Variants in FGF14 observed in about 807,000 individuals in gnomAD.
FGF14 encodes the protein fibroblast growth factor 14.
A neutral mutation model predicts 25.5 loss-of-function variants in FGF14; 5 were observed. The ratio of observed to expected loss-of-function variants is 0.20; its 90% CI spans 0.10 to 0.41. The LOEUF (loss-of-function observed/expected upper bound fraction) is 0.41, where lower values mean the gene tolerates loss of function less well. Ranked by LOEUF, FGF14 falls within the 10% of genes least tolerant of loss-of-function variation. The pLI is 1.00. For missense variants in FGF14, 222 were observed against 320.1 expected, an observed-to-expected ratio of 0.69 and a Z score of 2.34; for synonymous variants, 138 against 118.3, an observed-to-expected ratio of 1.17 and a Z score of -1.08.
rs2047384706 is a variant in FGF14 at position 102,157,196 on chromosome 13, C to A, written c.208+244275G>T. Among the ~76,000 whole-genome samples the A allele has an allele frequency of 2.0e-5, 3 of 152,286 alleles. No individual in the cohort carries two copies. In the South Asian group the frequency reaches 6.2e-4, roughly 32 times the overall value. ...TGGAACCAAAAAAGAGCCCACATTT[C>A]CAAGTCAATCCTAAGCCAAAAGAAC... On this transcript the variant is annotated intron_variant, in intron 1 of 4. Transcript: ENST00000376131.
intron 1 of FGF14, among the ~76,000 whole-genome samples, chr13:102,161,643 G>GAAGAAGAAGAAGA (rs2047726719): frequency 7.9e-5 from 1 of 12,642 alleles, no homozygotes; most frequent in Non-Finnish European, 1.6e-4. Flanking sequence ...AGAAGAAGAA[G>GAAGAAGAAGAAGA]AAGAAGAAGA....
At chr13:101,936,749 CA>C (rs1273317107) in intron 1 of FGF14, among the ~76,000 whole-genome samples, 1 of 152,112 alleles carries the variant, frequency 6.6e-6, no homozygotes, top group African/African-American at 2.4e-5. Flanking sequence ...ATACTGAGCC[CA>C]TGGCGTATAT....
At chr13:101,805,363 G>T (rs1376836896) in intron 3 of FGF14, among the ~76,000 whole-genome samples, 1 of 152,090 alleles carries the variant, frequency 6.6e-6, no homozygotes, top group Non-Finnish European at 1.5e-5. Context: ...ATGGTGGTTT[G>T]TATTTTTAAA....
intron 1 of FGF14, among the ~76,000 whole-genome samples, chr13:102,015,536 T>C (rs1183009904): frequency 1.3e-5 from 2 of 152,166 alleles, no homozygotes; most frequent in Non-Finnish European, 2.9e-5. Context: ...GTAAATTCTT[T>C]TCAAGAAAAT....
At chr13:101,760,588 C>T (rs1181044641) in intron 3 of FGF14, among the ~76,000 whole-genome samples, 1 of 152,200 alleles carries the variant, frequency 6.6e-6, no homozygotes, top group Non-Finnish European at 1.5e-5. Flanking sequence ...ATCCCTTAAA[C>T]TGCTTTTGGC....
At chr13:102,042,856 G>A (rs1307805009) in intron 1 of FGF14, among the ~76,000 whole-genome samples, 1 of 152,190 alleles carries the variant, frequency 6.6e-6, no homozygotes, top group Non-Finnish European at 1.5e-5. Context: ...GATAGTTGGG[G>A]CTGCACAATT....
In FGF14 at chr13:102,061,766, C is replaced by T. The variant is rs1345049393; in HGVS notation, c.209-186470G>A. On this transcript the variant is annotated intron_variant, in intron 1 of 4. Transcript: ENST00000376131. ...ACTGTCGAGTTCTGCCTGCCTCTCT[C>T]TTGAAACATTTGTTCTTGGAACCAA... Among the ~76,000 whole-genome samples the T allele has an allele frequency of 2.0e-5, 3 of 152,290 alleles. No homozygotes were observed. The South Asian group carries it at 6.2e-4, about 32-fold the overall frequency.
intron 1 of FGF14, among the ~76,000 whole-genome samples, chr13:101,913,634 CT>C (rs1321439644): frequency 6.6e-6 from 1 of 152,042 alleles, no homozygotes; most frequent in South Asian, 2.1e-4. Context: ...TTCTATGCCT[CT>C]TTTTTTTCTC....
intron 1 of FGF14, among the ~76,000 whole-genome samples, chr13:102,092,507 C>A (rs1434423467): frequency 6.6e-6 from 1 of 152,158 alleles, no homozygotes; most frequent in Non-Finnish European, 1.5e-5. Flanking sequence ...GTCTTCCACA[C>A]TGAAAGGGCA....
At chr13:101,946,363 C>CAAAAAAA (rs59866034) in intron 1 of FGF14, among the ~76,000 whole-genome samples, 2 of 91,946 alleles carry the variant, frequency 2.2e-5, no homozygotes, top group Admixed American at 1.2e-4. Context: ...GCTTCTCCAT[C>CAAAAAAA]AAAAAAAAAA....
intron 1 of FGF14, among the ~76,000 whole-genome samples, chr13:102,204,575 C>G (rs966851933): frequency 1.2e-4 from 18 of 152,040 alleles, no homozygotes; most frequent in Admixed American, 9.8e-4. Context: ...GAGACAGAGT[C>G]TTCCTCTGTC....
At position 101,717,430 on chromosome 13, in the gene FGF14, G is replaced by T. The variant is rs1490848873; in HGVS notation, c.*5401C>A. ...TATAAGTAGTCAATAAATAATGTAG[G>T]TTATATTCTTTCCTCTTCACTACCT... On this transcript the variant is annotated 3_prime_UTR_variant, in exon 5 of 5. Coordinates refer to ENST00000376143, the MANE Select transcript of FGF14 (RefSeq NM_004115.4). 6.6e-6 allele frequency: 1 copy of T among 152,012 alleles called. No individual in the cohort carries two copies. Among genetic ancestry groups the T allele is most frequent in the Non-Finnish European group, 1.5e-5 (1 of 68,012 alleles). The allele number at this position is 152,012 out of a possible 1,614,324, so 9.4% of individuals were successfully genotyped here.
At chr13:102,355,608 G>T (rs1375477614) in intron 1 of FGF14, among the ~76,000 whole-genome samples, 3 of 150,130 alleles carry the variant, frequency 2.0e-5, no homozygotes, top group Non-Finnish European at 4.4e-5. Context: ...AACACAATCT[G>T]CCCTTCCCAT....
intron 1 of FGF14, among the ~76,000 whole-genome samples, chr13:102,272,578 A>G (rs983071048): frequency 6.6e-6 from 1 of 152,170 alleles, no homozygotes; most frequent in Non-Finnish European, 1.5e-5. Flanking sequence ...TACGGCACAC[A>G]AGGTCCTGTC....
At chr13:101,953,405 A>C (rs918444588) in intron 1 of FGF14, among the ~76,000 whole-genome samples, 1 of 151,960 alleles carries the variant, frequency 6.6e-6, no homozygotes, top group Admixed American at 6.6e-5. Flanking sequence ...CTGCTAGGAC[A>C]GAGATGAACA....
At chr13:102,188,992 GAA>G (rs2048993718) in intron 1 of FGF14, among the ~76,000 whole-genome samples, 6 of 97,770 alleles carry the variant, frequency 6.1e-5, no homozygotes, top group Admixed American at 4.6e-4. Flanking sequence ...AAGAAAGAAA[GAA>G]AGAAAGAAAG....
intron 1 of FGF14, among the ~76,000 whole-genome samples, chr13:102,112,429 G>T (rs1363402225): frequency 1.3e-5 from 2 of 152,066 alleles, no homozygotes; most frequent in Non-Finnish European, 2.9e-5. Flanking sequence ...TCTCACGCAT[G>T]GAATTCTCAC....
chr13:101,945,842 G>A (rs569514789), intron 1 of FGF14, among the ~76,000 whole-genome samples: 1 of 152,266 alleles, frequency 6.6e-6, no homozygotes, highest in South Asian at 2.1e-4. Flanking sequence ...GGAGCATTAT[G>A]GCACTGTTGC....
chr13:102,343,988 G>C (rs1030576725), intron 1 of FGF14, among the ~76,000 whole-genome samples: 3 of 152,066 alleles, frequency 2.0e-5, no homozygotes, highest in African/African-American at 7.2e-5. Flanking sequence ...AAAGAATATG[G>C]AGTGCTTTTA....
Sources: gnomAD v4.1 joint callset for allele counts (sites outside exome capture counted in the v4.1 genomes callset) on GRCh38, gnomAD v4.1.1 for gene constraint, MANE v1.5 for transcripts, NCBI Gene and HGNC (gene_info 2026-07-23, HGNC 2026-07-21) for gene names.